Variants in GATC observed in about 807,000 individuals in gnomAD.
GATC encodes the protein glutamyl-tRNA amidotransferase subunit C, also known as glutamyl-tRNA(Gln) amidotransferase subunit C, mitochondrial.
GATC carries 11 observed loss-of-function variants against 14.4 expected under a neutral mutation model. The observed-to-expected ratio is 0.77, with a 90% CI of 0.48 to 1.27. GATC has a LOEUF of 1.27. Among genes scored for constraint, GATC ranks in the 50% most tolerant of loss-of-function variants. The probability of loss-of-function intolerance (pLI) is 0.00; values close to 1 mark genes in which losing one functional copy is unlikely to be tolerated. For synonymous variants in GATC, 76 were observed against 79.3 expected, an observed-to-expected ratio of 0.96 and a Z score of 0.22; for missense variants, 204 against 183.0, an observed-to-expected ratio of 1.11 and a Z score of -0.66.
intron 2 of GATC, among the ~76,000 whole-genome samples, chr12:120,452,555 A>G (rs1215855552): frequency 6.6e-6 from 1 of 151,998 alleles, no homozygotes; most frequent in Non-Finnish European, 1.5e-5. Context: ...ATGGCCAGCT[A>G]ATTTTTTTCT....
At chr12:120,453,287 G>C (rs563061534) in intron 2 of GATC, among the ~76,000 whole-genome samples, 2 of 152,288 alleles carry the variant, frequency 1.3e-5, no homozygotes, top group South Asian at 4.1e-4. Context: ...TTAAGTTATT[G>C]TTCCTGAGTT....
chr12:120,457,047 G>C (rs1437131664), intron 2 of GATC, 29 bp from the exon 3 acceptor site: 1 of 1,493,634 alleles, frequency 6.7e-7, no homozygotes, highest in Non-Finnish European at 9.3e-7. Context: ...TTCTCTGAGA[G>C]GGTAACCTTG....
In GATC at chr12:120,446,545, C is replaced by T. The variant is rs1336103296; in HGVS notation, c.65C>T (p.Ser22Phe). The T allele has an allele frequency of 4.4e-6, 7 of 1,600,606 alleles. No individual in the cohort carries two copies. The African/African-American group carries it at 8.0e-5, about 18-fold the overall frequency. ...CTGGGCGGGCGCCAGGGCTTCACCTCCAAGGCGGATCCTCAGGTAAAGGCC... is the reference window on the plus strand; with the variant it reads ...CTGGGCGGGCGCCAGGGCTTCACCTTCAAGGCGGATCCTCAGGTAAAGGCC... The part of the protein sequence containing the change: ...APLGGRQGFT[S>F]KADPQGSGRI... Residue 22 changes from serine (S) to phenylalanine (F), a missense_variant, in exon 1 of 4, where the codon TCC (serine) becomes TTC (phenylalanine). Ser to Phe is a radical substitution (Grantham distance 155). Transcript: ENST00000551765.
At chr12:120,446,935 GA>G in intron 2 of GATC, 106 bp downstream of exon 2, 1 of 1,162,524 alleles carries the variant, frequency 8.6e-7, no homozygotes, top group Non-Finnish European at 1.2e-6. Context: ...GTGTTAGCAA[GA>G]TTCAGGAACT....
chr12:120,457,170 G>GC lies in GATC; in HGVS notation c.356dup (p.Gly120ArgfsTer2), dbSNP rs771445583. On this transcript the variant is annotated frameshift_variant, in exon 3 of 4. Coordinates refer to ENST00000551765, the MANE Select transcript of GATC (RefSeq NM_176818.3). LOFTEE classifies it high-confidence loss of function. ...TCGCGTCGTGGAGGAGTACTTTGTG[G>GC]CCCCCCCAGGTACGTGCTGCCCAGA... 51 of 1,609,324 alleles carry GC rather than the reference G, an allele frequency of 3.2e-5. No homozygotes were observed. Among genetic ancestry groups the GC allele is most frequent in the Admixed American group, 1.0e-4 (6 of 59,800 alleles).
chr12:120,462,121 G>A lies in GATC; in HGVS notation c.*2162G>A, dbSNP rs756275363. On this transcript the variant is annotated 3_prime_UTR_variant, in exon 4 of 4. Transcript: ENST00000551765. ...ACCGAGACCGTGAGTAGCCATAGCT[G>A]GTGCTTCTCTCAGGATAAACTCGGA... The A allele has an allele frequency of 6.2e-7, 1 of 1,612,806 alleles. No individual in the cohort carries two copies. Among genetic ancestry groups the A allele is most frequent in the South Asian group, 1.1e-5 (1 of 90,988 alleles).
In GATC at chr12:120,446,450, G is replaced by A. The variant is rs117692929; in HGVS notation, c.-31G>A. 6.2e-6 allele frequency: 10 copies of A among 1,604,484 alleles called. No homozygotes were observed. Among genetic ancestry groups the A allele is most frequent in the South Asian group, 5.5e-5 (5 of 90,490 alleles). On this transcript the variant is annotated 5_prime_UTR_variant, in exon 1 of 4. Coordinates refer to ENST00000551765, the MANE Select transcript of GATC (RefSeq NM_176818.3). ...AGGCGCGTCGCTCGGCGTTACGCGC[G>A]GGCGCACTGCGGGGGCCAAGGAAGG... is the stretch of plus-strand genomic sequence containing the variant.
intron 3 of GATC, among the ~76,000 whole-genome samples, chr12:120,459,159 G>A (rs558712002): frequency 2.6e-5 from 4 of 151,878 alleles, no homozygotes; most frequent in African/African-American, 7.3e-5. Context: ...GCACCCGGCC[G>A]TGAGCTAAAC....
intron 2 of GATC, chr12:120,454,857 CAAA>C (rs544102647): frequency 5.2e-4 from 99 of 191,864 alleles, no homozygotes; most frequent in South Asian, 1.3e-3. Context: ...TTGTGTTATT[CAAA>C]AAAAAAAAAA....
At chr12:120,449,604 T>G (rs1416177239) in intron 2 of GATC, among the ~76,000 whole-genome samples, 5 of 151,716 alleles carry the variant, frequency 3.3e-5, no homozygotes, top group Non-Finnish European at 7.4e-5. Context: ...TGCACCACCA[T>G]GCCTGGTTAA....
intron 2 of GATC, 57 bp downstream of exon 2, chr12:120,446,886 A>T: frequency 6.7e-7 from 1 of 1,496,846 alleles, no homozygotes; most frequent in South Asian, 1.3e-5. Flanking sequence ...CAGCCGTTTA[A>T]TGTGACGATT....
Position 120,460,644 on chromosome 12 carries a change from A to G in GATC, c.*685A>G, listed in dbSNP as rs138126607. ...GACAAAGGAGCCCTCTCCGCCCCCA[A>G]AATGATTATTAAATTGAGATGAGTC... On this transcript the variant is annotated 3_prime_UTR_variant, in exon 4 of 4. Coordinates refer to ENST00000551765, the MANE Select transcript of GATC (RefSeq NM_176818.3). 6.6e-6 allele frequency: 1 copy of G among 152,306 alleles called. No individual in the cohort carries two copies. The highest frequency in any genetic ancestry group is 2.4e-5 in the African/African-American group (1 of 41,572). 9.4% of individuals were successfully genotyped at this position (152,306 alleles called of 1,614,324 possible). A position where few individuals can be genotyped will look rare whatever the true frequency, so the allele number is the denominator to read the frequency against.
chr12:120,454,598 G>C (rs966632929), intron 2 of GATC, among the ~76,000 whole-genome samples: 1 of 149,284 alleles, frequency 6.7e-6, no homozygotes, highest in African/African-American at 2.5e-5. Flanking sequence ...TGTATTTTTA[G>C]TAGAGACGGG....
intron 2 of GATC, among the ~76,000 whole-genome samples, chr12:120,456,799 T>C (rs897610360): frequency 2.0e-5 from 3 of 152,180 alleles, no homozygotes; most frequent in Non-Finnish European, 4.4e-5. Flanking sequence ...CTTTTACCTG[T>C]CCCCACCAAA....
intron 2 of GATC, among the ~76,000 whole-genome samples, chr12:120,451,336 C>T (rs560289768): frequency 6.6e-6 from 1 of 151,478 alleles, no homozygotes; most frequent in South Asian, 2.1e-4. Context: ...CCCAGCTACT[C>T]GGGAGGCTGA....
intron 2 of GATC, among the ~76,000 whole-genome samples, chr12:120,456,841 T>C (rs1393986889): frequency 6.6e-6 from 1 of 152,200 alleles, no homozygotes; most frequent in East Asian, 1.9e-4. Flanking sequence ...TCAAAAACTA[T>C]TTGTTAAATC....
chr12:120,448,786 C>G (rs1877954248), intron 2 of GATC, among the ~76,000 whole-genome samples: 2 of 150,878 alleles, frequency 1.3e-5, no homozygotes, highest in African/African-American at 4.9e-5. Flanking sequence ...GCTGGGACTA[C>G]AGGCGCCCGC....
At chr12:120,449,410 C>T (rs1418035471) in intron 2 of GATC, among the ~76,000 whole-genome samples, 2 of 152,124 alleles carry the variant, frequency 1.3e-5, no homozygotes, top group African/African-American at 4.8e-5. Flanking sequence ...ATCATGTTCT[C>T]AGTGGTTGGC....
Position 120,463,071 on chromosome 12 carries a change from A to G in GATC, c.*3112A>G, listed in dbSNP as rs1428020411. The G allele has an allele frequency of 6.6e-6, 1 of 152,242 alleles. No individual in the cohort carries two copies. The allele number at this position is 152,242 out of a possible 1,614,324, so 9.4% of individuals were successfully genotyped here. On this transcript the variant is annotated 3_prime_UTR_variant, in exon 4 of 4. Coordinates refer to ENST00000551765, the MANE Select transcript of GATC (RefSeq NM_176818.3). ...ATGAGCCCAGAGACCTGTGTCCCCA[A>G]ACATCCGTAAATCTCATAGTAAGGC... is the stretch of plus-strand genomic sequence containing the variant.
Sources: gnomAD v4.1 joint callset for allele counts (sites outside exome capture counted in the v4.1 genomes callset) on GRCh38, gnomAD v4.1.1 for gene constraint, MANE v1.5 for transcripts, NCBI Gene and HGNC (gene_info 2026-07-23, HGNC 2026-07-21) for gene names.